Variants in SETX observed in about 807,000 individuals in gnomAD.
The protein encoded by SETX is senataxin.
A neutral mutation model predicts 227.2 loss-of-function variants in SETX; 90 were observed. The ratio of observed to expected loss-of-function variants is 0.40; its 90% CI spans 0.33 to 0.47. The LOEUF is 0.47. Ranked by LOEUF, SETX falls within the 20% of genes least tolerant of loss-of-function variation. The probability of loss-of-function intolerance (pLI) is 0.91; values close to 1 mark genes in which losing one functional copy is unlikely to be tolerated. For missense variants in SETX, 3,052 were observed against 3,181.5 expected (o/e 0.96, Z 0.98); for synonymous variants, 1,210 against 1,113.2 (o/e 1.09, Z -1.73).
intron 4 of SETX, among the ~76,000 whole-genome samples, chr9:132,343,330 C>CA (rs922036849): frequency 4.8e-4 from 73 of 151,518 alleles, no homozygotes; most frequent in African/African-American, 1.7e-3. Context: ...AAAACAACAA[C>CA]AAAAAAAAGA....
At chr9:132,285,656 C>T (rs1208126122) in intron 18 of SETX, among the ~76,000 whole-genome samples, 3 of 149,778 alleles carry the variant, frequency 2.0e-5, no homozygotes, top group Non-Finnish European at 3.0e-5. Flanking sequence ...CCGAGGTGGG[C>T]GGATCACAAC....
At chr9:132,310,773 A>G (rs1338060886) in intron 11 of SETX, among the ~76,000 whole-genome samples, 3 of 152,216 alleles carry the variant, frequency 2.0e-5, no homozygotes, top group Non-Finnish European at 4.4e-5. Flanking sequence ...CTCCTGAGAG[A>G]GCAAGACAAA....
At chr9:132,269,495 A>T in intron 25 of SETX, 120 bp downstream of exon 25, 1 of 1,599,472 alleles carries the variant, frequency 6.3e-7, no homozygotes, top group Non-Finnish European at 8.5e-7. Flanking sequence ...AGTTGCTGGA[A>T]AACATAACAA....
chr9:132,350,597 ATAAT>A (rs1457440733), intron 2 of SETX, among the ~76,000 whole-genome samples: 3 of 152,230 alleles, frequency 2.0e-5, no homozygotes, highest in African/African-American at 7.2e-5. Context: ...CCACAATTAA[ATAAT>A]TATTTAGAAA....
Position 132,329,791 on chromosome 9 carries a change from T to C in SETX, c.1807A>G (p.Asn603Asp), listed in dbSNP as rs116205032. 1,351 of 1,614,034 alleles carry C rather than the reference T, an allele frequency of 8.4e-4. 9 individuals carry two copies. The African/African-American group carries it at 0.016, about 19-fold the overall frequency. ...GCAGAAGTCAGATCCACAAAAGTGT[T>C]ACATGGAGGTGCTTTGAATTTTATG... ...RNIKFKAPPC[N>D]TFVDLTSACK... Residue 603 changes from asparagine (N) to aspartate (D), a missense_variant, in exon 10 of 26, where the codon AAC (asparagine) becomes GAC (aspartate). Transcript: ENST00000224140.
intron 19 of SETX, among the ~76,000 whole-genome samples, chr9:132,282,019 TAAA>T (rs71376633): frequency 8.5e-5 from 7 of 81,902 alleles, no homozygotes; most frequent in Non-Finnish European, 5.0e-5. Context: ...ACTCCGTCTC[TAAA>T]AAAAAAAAAA....
Position 132,261,874 on chromosome 9 carries a change from G to A in SETX, c.*2365C>T, listed in dbSNP as rs1316261297. 1 of 154,486 alleles carries A rather than the reference G, an allele frequency of 6.5e-6. No individual in the cohort carries two copies. The highest frequency in any genetic ancestry group is 2.4e-5 in the African/African-American group (1 of 41,522). The allele number at this position is 154,486 out of a possible 1,614,324, so 9.6% of individuals were successfully genotyped here. A position where few individuals can be genotyped will look rare whatever the true frequency, so the allele number is the denominator to read the frequency against. ...ACAGGGAACTTTCTTTTAATGCCATGGCAAAGACGAAGCGAAGAGCCACAC... is the reference window on the plus strand; with the variant it reads ...ACAGGGAACTTTCTTTTAATGCCATAGCAAAGACGAAGCGAAGAGCCACAC... On this transcript the variant is annotated 3_prime_UTR_variant, in exon 26 of 26. Coordinates refer to ENST00000224140, the MANE Select transcript of SETX (RefSeq NM_015046.7).
chr9:132,294,798 A>G (rs10736853), intron 15 of SETX, among the ~76,000 whole-genome samples: 48,279 of 152,092 alleles, frequency 0.32, 11,035 homozygotes, highest in East Asian at 0.67. Flanking sequence ...ACACATGGTG[A>G]AGCAACCAGA....
chr9:132,328,673 C>A lies in SETX; in HGVS notation c.2925G>T (p.Thr975=). ...LSLLAQASVI[T]FPSDSPQNSS... ...AGTTCTGAGGTGAATCGGATGGGAACGTAATAACACTGGCTTGAGCTAGTA... is the reference window on the plus strand; with the variant it reads ...AGTTCTGAGGTGAATCGGATGGGAAAGTAATAACACTGGCTTGAGCTAGTA... The change falls in exon 10 of 26, where the codon ACG becomes ACT. Residue 975 remains threonine (T), a synonymous_variant. Coordinates refer to ENST00000224140, the MANE Select transcript of SETX (RefSeq NM_015046.7). 6.2e-7 allele frequency: 1 copy of A among 1,613,440 alleles called. No individual in the cohort carries two copies. Among genetic ancestry groups the A allele is most frequent in the Non-Finnish European group, 8.5e-7 (1 of 1,179,720 alleles).
intron 23 of SETX, among the ~76,000 whole-genome samples, chr9:132,272,433 G>A (rs1842947512): frequency 1.3e-5 from 2 of 151,662 alleles, no homozygotes; most frequent in South Asian, 4.2e-4. Context: ...ATAGATGTGA[G>A]CCACCATGCC....
chr9:132,282,882 A>C, intron 19 of SETX: 1 of 320,844 alleles, frequency 3.1e-6, no homozygotes, highest in Non-Finnish European at 6.1e-6. Context: ...GTACCCAATA[A>C]ATGTTTGCTC....
intron 2 of SETX, among the ~76,000 whole-genome samples, chr9:132,350,217 G>A (rs1227819997): frequency 6.6e-6 from 1 of 152,150 alleles, no homozygotes; most frequent in Non-Finnish European, 1.5e-5. Flanking sequence ...TTAGCTGGTG[G>A]TGCGCATCTG....
intron 4 of SETX, among the ~76,000 whole-genome samples, 184 bp downstream of exon 4, chr9:132,346,077 C>G (rs1221999803): frequency 2.0e-5 from 3 of 151,918 alleles, no homozygotes; most frequent in African/African-American, 7.3e-5. Flanking sequence ...TTGAACTGTG[C>G]CCCAAAAATA....
In SETX at chr9:132,341,579, G is replaced by A. The variant is rs191984857; in HGVS notation, c.498+1111C>T. Among the ~76,000 whole-genome samples the A allele has an allele frequency of 6.6e-5, 10 of 152,346 alleles. No homozygotes were observed. The East Asian group carries it at 1.9e-3, about 29-fold the overall frequency. On this transcript the variant is annotated intron_variant, in intron 5 of 25. Transcript: ENST00000224140. ...CCTTTGGTTACATAAGGGCTAGGCA[G>A]ACTCAGTCACCAAGGCTGCAAGTGC... is the stretch of plus-strand genomic sequence containing the variant.
At position 132,288,670 on chromosome 9, in the gene SETX, G is replaced by A. The variant is rs759928041; in HGVS notation, c.6107-19C>T. 3 of 1,514,880 alleles carry A rather than the reference G, an allele frequency of 2.0e-6. No homozygotes were observed. The highest frequency in any genetic ancestry group is 1.8e-6 in the Non-Finnish European group (2 of 1,090,348). The allele number at this position is 1,514,880 out of a possible 1,614,324, so 93.8% of individuals were successfully genotyped here. On this transcript the variant is annotated intron_variant, in intron 15 of 25. Transcript: ENST00000224140. ...CAGTTTCCTGTTGATAAGAATCACA[G>A]TTAAGGACTAATAAGGACACTGCTG...
chr9:132,329,810 T>G lies in SETX; in HGVS notation c.1788A>C (p.Lys596Asn). The G allele has an allele frequency of 6.2e-7, 1 of 1,614,014 alleles. No individual in the cohort carries two copies. Among genetic ancestry groups the G allele is most frequent in the Non-Finnish European group, 8.5e-7 (1 of 1,179,962 alleles). ...AAGTGTTACATGGAGGTGCTTTGAA[T>G]TTTATGTTTCTAATAATTTGCTTTA... Reference protein sequence around the residue: ...SCLKQIIRNIKFKAPPCNTFV... With the variant: ...SCLKQIIRNINFKAPPCNTFV... The change falls in exon 10 of 26, where the codon AAA becomes AAC. Residue 596 changes from lysine (K) to asparagine (N), a missense_variant. By Grantham distance (94) the Lys-to-Asn change is moderately conservative. Transcript: ENST00000224140.
At chr9:132,316,547 T>C (rs1845979779) in intron 10 of SETX, among the ~76,000 whole-genome samples, 1 of 152,242 alleles carries the variant, frequency 6.6e-6, no homozygotes, top group South Asian at 2.1e-4. Context: ...TGATATTTTC[T>C]TCGTTTAGTT....
At chr9:132,337,436 T>TAAAA (rs55840073) in intron 5 of SETX, among the ~76,000 whole-genome samples, 2 of 149,082 alleles carry the variant, frequency 1.3e-5, no homozygotes, top group East Asian at 1.9e-4. Flanking sequence ...CAACCAACCT[T>TAAAA]AAAAAAAAAA....
chr9:132,282,056 A>G (rs7040005), intron 19 of SETX, among the ~76,000 whole-genome samples: 13,622 of 149,378 alleles, frequency 0.091, 727 homozygotes, highest in South Asian at 0.14. Context: ...TCCGTCTCAA[A>G]AAAAACAATA....
Sources: allele counts gnomAD v4.1 joint callset (sites outside exome capture counted in the v4.1 genomes callset), GRCh38; gene constraint gnomAD v4.1.1; transcripts MANE v1.5; gene names NCBI Gene and HGNC (gene_info 2026-07-23, HGNC 2026-07-21).